The following ENTREP2 variants were observed in gnomAD, a reference collection of about 807,000 sequenced individuals.
ENTREP2 encodes endosomal transmembrane epsin interactor 2, also known as protein ENTREP2.
the ENTREP2 span, among the ~76,000 whole-genome samples, chr15:29,390,546 G>C: frequency 1.3e-5 from 2 of 152,148 alleles, no homozygotes; most frequent in African/African-American, 4.8e-5. Context: ...TCCCCACCCA[G>C]CCTAATAGAG....
the ENTREP2 span, among the ~76,000 whole-genome samples, chr15:29,154,181 C>G: frequency 1.3e-5 from 2 of 152,060 alleles, no homozygotes; most frequent in South Asian, 4.1e-4. Flanking sequence ...TTTGAAGATG[C>G]CAGGGGATTT....
At chr15:29,551,694 A>T in the ENTREP2 span, among the ~76,000 whole-genome samples, 3 of 53,738 alleles carry the variant, frequency 5.6e-5, no homozygotes, top group African/African-American at 1.0e-4. Flanking sequence ...ATGCCTATTT[A>T]AAAAAAAAAA....
the ENTREP2 span, among the ~76,000 whole-genome samples, chr15:29,433,703 C>T: frequency 3.9e-5 from 6 of 152,002 alleles, no homozygotes; most frequent in African/African-American, 4.8e-5. Context: ...GAAGCCTCCC[C>T]AGACCCCTTC....
chr15:29,503,274 T>C, the ENTREP2 span, among the ~76,000 whole-genome samples: 1 of 152,194 alleles, frequency 6.6e-6, no homozygotes, highest in Admixed American at 6.5e-5. Flanking sequence ...AAGGAAGTGC[T>C]ATTGCATGCT....
the ENTREP2 span, among the ~76,000 whole-genome samples, chr15:29,649,551 T>C: frequency 1.3e-5 from 2 of 151,442 alleles, no homozygotes; most frequent in African/African-American, 4.9e-5. Context: ...TGAAACCCTG[T>C]CTCTACTAAA....
chr15:29,413,860 T>C, the ENTREP2 span, among the ~76,000 whole-genome samples: 1 of 152,124 alleles, frequency 6.6e-6, no homozygotes, highest in Non-Finnish European at 1.5e-5. Flanking sequence ...TGGTCTCTAA[T>C]AAAACAGACT....
the ENTREP2 span, among the ~76,000 whole-genome samples, chr15:29,223,862 G>A: frequency 1.3e-5 from 2 of 152,288 alleles, no homozygotes; most frequent in East Asian, 1.9e-4. Flanking sequence ...CTCTGGAGAG[G>A]GCTCAGCTGA....
chr15:29,439,968 T>C, the ENTREP2 span, among the ~76,000 whole-genome samples: 3 of 152,172 alleles, frequency 2.0e-5, no homozygotes, highest in African/African-American at 7.2e-5. Flanking sequence ...TCTGTGGTGG[T>C]CTTCCTCATA....
At chr15:29,162,145 C>T in the ENTREP2 span, among the ~76,000 whole-genome samples, 36 of 152,246 alleles carry the variant, frequency 2.4e-4, no homozygotes, top group East Asian at 2.3e-3. Flanking sequence ...GAGGAAGCAG[C>T]GGGAAAGGCC....
At chr15:29,656,591 A>G in the ENTREP2 span, among the ~76,000 whole-genome samples, 2 of 152,198 alleles carry the variant, frequency 1.3e-5, no homozygotes, top group Non-Finnish European at 2.9e-5. Context: ...CAGCAAATGG[A>G]AAGATGCTCA....
At chr15:29,438,720 C>T in the ENTREP2 span, among the ~76,000 whole-genome samples, 1 of 152,172 alleles carries the variant, frequency 6.6e-6, no homozygotes, top group African/African-American at 2.4e-5. Context: ...CTCTCCCAAT[C>T]TTCAGATTGC....
At chr15:29,390,147 C>T in the ENTREP2 span, among the ~76,000 whole-genome samples, 1 of 152,208 alleles carries the variant, frequency 6.6e-6, no homozygotes, top group Non-Finnish European at 1.5e-5. Flanking sequence ...AGAGCCTCTG[C>T]TCTGAAACCA....
the ENTREP2 span, among the ~76,000 whole-genome samples, chr15:29,246,312 GC>G: frequency 1.3e-5 from 2 of 150,192 alleles, no homozygotes; most frequent in Non-Finnish European, 2.9e-5. Flanking sequence ...GATCACCTGA[GC>G]CCAGGGAGGT....
chr15:29,133,408 G>A, the ENTREP2 span, among the ~76,000 whole-genome samples: 4 of 152,112 alleles, frequency 2.6e-5, no homozygotes, highest in African/African-American at 9.7e-5. Context: ...TGATTATCAA[G>A]TTCCCCACAG....
At chr15:29,510,015 G>C in the ENTREP2 span, among the ~76,000 whole-genome samples, 1 of 151,936 alleles carries the variant, frequency 6.6e-6, no homozygotes, top group Non-Finnish European at 1.5e-5. Flanking sequence ...CTGACAAAGG[G>C]GTAATATCCA....
the ENTREP2 span, among the ~76,000 whole-genome samples, chr15:29,395,040 C>A: frequency 1.4e-5 from 2 of 145,988 alleles, no homozygotes; most frequent in African/African-American, 4.9e-5. Flanking sequence ...GCGCCCACCA[C>A]CACGCCCGGC....
the ENTREP2 span, among the ~76,000 whole-genome samples, chr15:29,441,598 T>G: frequency 6.6e-6 from 1 of 152,210 alleles, no homozygotes; most frequent in Non-Finnish European, 1.5e-5. Flanking sequence ...ATACTGGGTG[T>G]GCATTTATGT....
chr15:29,389,154 TG>T, the ENTREP2 span, among the ~76,000 whole-genome samples: 1 of 140,368 alleles, frequency 7.1e-6, no homozygotes, highest in Non-Finnish European at 1.5e-5. Flanking sequence ...TCAGGAACTA[TG>T]AAAAAAAAAA....
the ENTREP2 span, among the ~76,000 whole-genome samples, chr15:29,149,959 C>T: frequency 6.6e-6 from 1 of 152,212 alleles, no homozygotes. Context: ...GGGCTTCTGA[C>T]GGCAGCCGCT....
Sources: gnomAD v4.1 joint callset for allele counts (sites outside exome capture counted in the v4.1 genomes callset) on GRCh38, gnomAD v4.1.1 for gene constraint, MANE v1.5 for transcripts, NCBI Gene and HGNC (gene_info 2026-07-23, HGNC 2026-07-21) for gene names.